Variants in CREG2 observed in about 807,000 individuals in gnomAD.
The protein encoded by CREG2 is protein CREG2.
CREG2 carries 24 observed loss-of-function variants against 26.2 expected under a neutral mutation model. The observed-to-expected ratio is 0.92, with a 90% CI of 0.66 to 1.29. The LOEUF (loss-of-function observed/expected upper bound fraction) is 1.29, where lower values mean the gene tolerates loss of function less well. Among genes scored for constraint, CREG2 ranks in the 50% most tolerant of loss-of-function variants. The probability of loss-of-function intolerance (pLI) is 0.00; values close to 1 mark genes in which losing one functional copy is unlikely to be tolerated. For synonymous variants in CREG2, 174 were observed against 169.2 expected, an observed-to-expected ratio of 1.03 and a Z score of -0.22; for missense variants, 366 against 398.6, an observed-to-expected ratio of 0.92 and a Z score of 0.70.
At chr2:101,369,553 T>C (rs748063912) in intron 2 of CREG2, among the ~76,000 whole-genome samples, 9 of 151,926 alleles carry the variant, frequency 5.9e-5, no homozygotes, top group Non-Finnish European at 1.0e-4. Flanking sequence ...CAGGAAGAGG[T>C]GTAGACAGAG....
intron 3 of CREG2, 35 bp from the exon 4 acceptor site, chr2:101,351,105 T>C: frequency 2.5e-6 from 4 of 1,606,330 alleles, no homozygotes; most frequent in Non-Finnish European, 3.4e-6. Flanking sequence ...GTAAAGCTGC[T>C]CTTATCAGAG....
chr2:101,357,618 T>A (rs1684480921), intron 2 of CREG2, among the ~76,000 whole-genome samples: 1 of 152,192 alleles, frequency 6.6e-6, no homozygotes, highest in African/African-American at 2.4e-5. Context: ...GTGTATTCCA[T>A]CATCTGCTGC....
At chr2:101,385,269 G>A (rs978146325) in intron 1 of CREG2, among the ~76,000 whole-genome samples, 5 of 152,066 alleles carry the variant, frequency 3.3e-5, no homozygotes, top group Admixed American at 1.3e-4. Context: ...TGCAGCCTCC[G>A]TCTCCTGGGT....
At chr2:101,379,998 TC>T in intron 2 of CREG2, among the ~76,000 whole-genome samples, 1 of 151,784 alleles carries the variant, frequency 6.6e-6, no homozygotes, top group South Asian at 2.1e-4. Flanking sequence ...TATCTATCTA[TC>T]TATCTATCTA....
chr2:101,366,423 A>T (rs999909964), intron 2 of CREG2, among the ~76,000 whole-genome samples: 4 of 152,208 alleles, frequency 2.6e-5, no homozygotes, highest in Admixed American at 2.0e-4. Flanking sequence ...GAAGCCTTGG[A>T]CATACAGTTG....
chr2:101,380,371 T>A (rs1409587561), intron 2 of CREG2, among the ~76,000 whole-genome samples: 1 of 152,196 alleles, frequency 6.6e-6, no homozygotes, highest in Non-Finnish European at 1.5e-5. Context: ...GGGGCTAACT[T>A]GATGAACGCA....
intron 3 of CREG2, among the ~76,000 whole-genome samples, chr2:101,354,813 T>C (rs1684431845): frequency 6.6e-6 from 1 of 152,054 alleles, no homozygotes. Flanking sequence ...TTTGATTCAG[T>C]AAGTAGGTTG....
intron 1 of CREG2, 45 bp from the exon 2 acceptor site, chr2:101,383,747 C>G: frequency 6.5e-7 from 1 of 1,527,482 alleles, no homozygotes; most frequent in Non-Finnish European, 8.8e-7. Flanking sequence ...AGCTGTGGCT[C>G]GACTTGATCT....
At chr2:101,385,093 C>A (rs376528448) in intron 1 of CREG2, among the ~76,000 whole-genome samples, 1 of 152,078 alleles carries the variant, frequency 6.6e-6, no homozygotes, top group Non-Finnish European at 1.5e-5. Context: ...TATTTGTTTA[C>A]GGTAACACAG....
intron 2 of CREG2, among the ~76,000 whole-genome samples, chr2:101,363,885 G>C (rs866480201): frequency 1.4e-4 from 15 of 110,380 alleles, no homozygotes; most frequent in Admixed American, 2.7e-4. Context: ...CACACACACA[G>C]ACACACACAC....
intron 2 of CREG2, among the ~76,000 whole-genome samples, chr2:101,377,661 CTT>C (rs1684813279): frequency 6.6e-6 from 1 of 152,184 alleles, no homozygotes; most frequent in South Asian, 2.1e-4. Flanking sequence ...GCAAGTGACT[CTT>C]TTAAACTAGA....
intron 3 of CREG2, among the ~76,000 whole-genome samples, 183 bp downstream of exon 3, chr2:101,355,066 GCATT>G: frequency 6.6e-6 from 1 of 152,324 alleles, no homozygotes; most frequent in East Asian, 1.9e-4. Flanking sequence ...CTCTCCAGAG[GCATT>G]CACCCGGCTT....
chr2:101,369,087 AG>A (rs1354361087), intron 2 of CREG2, among the ~76,000 whole-genome samples: 1 of 152,240 alleles, frequency 6.6e-6, no homozygotes, highest in Non-Finnish European at 1.5e-5. Context: ...CTTTCTCCAA[AG>A]AGCAATGGGA....
chr2:101,355,704 G>T (rs1327452134), intron 2 of CREG2, among the ~76,000 whole-genome samples: 8 of 142,592 alleles, frequency 5.6e-5, no homozygotes, highest in Admixed American at 5.5e-4. Flanking sequence ...CGACAGTGGG[G>T]TAGGGTGGGG....
intron 2 of CREG2, chr2:101,382,765 C>A: frequency 6.1e-6 from 6 of 985,324 alleles, no homozygotes; most frequent in Non-Finnish European, 7.2e-6. Flanking sequence ...TGGGATGAGG[C>A]CTGTTGATTT....
At chr2:101,386,912 T>C in intron 1 of CREG2, 105 bp downstream of exon 1, 2 of 1,135,024 alleles carry the variant, frequency 1.8e-6, no homozygotes, top group Non-Finnish European at 2.2e-6. Flanking sequence ...GCACGTCTGG[T>C]GGACCCGGAT....
intron 3 of CREG2, among the ~76,000 whole-genome samples, chr2:101,352,050 T>A (rs930733279): frequency 0.12 from 8 of 68 alleles, no homozygotes; most frequent in African/African-American, 0.28. Flanking sequence ...TAAAAAAAAT[T>A]TTTTTTTTTT....
At chr2:101,358,159 G>A (rs891729525) in intron 2 of CREG2, among the ~76,000 whole-genome samples, 17 of 151,984 alleles carry the variant, frequency 1.1e-4, no homozygotes, top group African/African-American at 4.1e-4. Context: ...GCCTGGCTAA[G>A]TTTTGTATTT....
At chr2:101,354,953 CGTT>C (rs1408998177) in intron 3 of CREG2, among the ~76,000 whole-genome samples, 2 of 151,804 alleles carry the variant, frequency 1.3e-5, no homozygotes, top group Non-Finnish European at 2.9e-5. Flanking sequence ...TGCTTGAAAA[CGTT>C]GTGTTGACGA....
Sources: allele counts gnomAD v4.1 joint callset (sites outside exome capture counted in the v4.1 genomes callset), GRCh38; gene constraint gnomAD v4.1.1; transcripts MANE v1.5; gene names NCBI Gene and HGNC (gene_info 2026-07-23, HGNC 2026-07-21).